ESYT2: variants seen among roughly 807,000 people sequenced by gnomAD.
The protein encoded by ESYT2 is extended synaptotagmin 2.
ESYT2 carries 54 observed loss-of-function variants against 107.2 expected under a neutral mutation model. The ratio of observed to expected loss-of-function variants is 0.50; its 90% CI spans 0.40 to 0.63. ESYT2 has a LOEUF of 0.63. Among genes scored for constraint, ESYT2 ranks in the 30% least tolerant of loss-of-function variants. The pLI, the probability that ESYT2 is intolerant of heterozygous loss-of-function variation, is 0.00. For missense variants in ESYT2, 1,020 were observed against 1,094.5 expected (o/e 0.93, Z 0.96); for synonymous variants, 491 against 434.1 (o/e 1.13, Z -1.63).
intron 1 of ESYT2, 22 bp downstream of exon 1, chr7:158,829,067 A>T: frequency 1.9e-6 from 3 of 1,565,256 alleles, no homozygotes; most frequent in Non-Finnish European, 8.6e-7. Flanking sequence ...AGGGGTCGGG[A>T]CGGGCAGGGG....
In ESYT2 at chr7:158,748,833, C is replaced by T. The variant is rs1161582813; in HGVS notation, c.1558-553G>A. Among the ~76,000 whole-genome samples the T allele has an allele frequency of 2.6e-5, 4 of 151,878 alleles. No homozygotes were observed. The East Asian group carries it at 7.7e-4, about 29-fold the overall frequency. On this transcript the variant is annotated intron_variant, in intron 15 of 22. Coordinates refer to ENST00000275418, the MANE Select transcript of ESYT2 (RefSeq NM_001367773.1). ...CTTCCGGGTTCAAGCAATTCCCCTG[C>T]TGCAGCCTCCCAAGTAGCTGGGATT...
chr7:158,777,114 T>G (rs1838596457), intron 6 of ESYT2, among the ~76,000 whole-genome samples: 1 of 152,172 alleles, frequency 6.6e-6, no homozygotes. Flanking sequence ...CCGCCCCACT[T>G]GGCCTCTGAA....
At chr7:158,817,477 T>C (rs541721050) in intron 1 of ESYT2, among the ~76,000 whole-genome samples, 6 of 152,380 alleles carry the variant, frequency 3.9e-5, no homozygotes, top group African/African-American at 1.4e-4. Context: ...TGCTTCCAGG[T>C]GTCCCACCTT....
intron 4 of ESYT2, among the ~76,000 whole-genome samples, chr7:158,790,493 A>G (rs1250353340): frequency 6.6e-6 from 1 of 152,180 alleles, no homozygotes; most frequent in Non-Finnish European, 1.5e-5. Flanking sequence ...CAGCTGCATC[A>G]CTGCCCTCCA....
chr7:158,826,481 A>C (rs1156368726), intron 1 of ESYT2, among the ~76,000 whole-genome samples: 1 of 152,142 alleles, frequency 6.6e-6, no homozygotes, highest in Non-Finnish European at 1.5e-5. Context: ...CAGATTAAAA[A>C]CTTGAAAAGA....
chr7:158,796,245 CTACT>C (rs1033737961), intron 3 of ESYT2, among the ~76,000 whole-genome samples: 2 of 152,150 alleles, frequency 1.3e-5, no homozygotes, highest in South Asian at 2.1e-4. Context: ...TGGACTGTTG[CTACT>C]TAAACACTGA....
At chr7:158,756,819 G>A (rs1837771521) in intron 13 of ESYT2, among the ~76,000 whole-genome samples, 1 of 149,130 alleles carries the variant, frequency 6.7e-6, no homozygotes, top group South Asian at 2.2e-4. Flanking sequence ...TGAGGCAGGA[G>A]AATCACTTGA....
At chr7:158,826,031 A>AAAC (rs994528086) in intron 1 of ESYT2, among the ~76,000 whole-genome samples, 1 of 151,658 alleles carries the variant, frequency 6.6e-6, no homozygotes, top group African/African-American at 2.4e-5. Context: ...GAAAAAAAAA[A>AAAC]AAACAAAAAC....
intron 1 of ESYT2, among the ~76,000 whole-genome samples, chr7:158,819,531 T>C (rs1259027480): frequency 1.3e-5 from 2 of 152,196 alleles, no homozygotes; most frequent in African/African-American, 2.4e-5. Flanking sequence ...CTATCCATAA[T>C]ATAGCATTTA....
At position 158,798,168 on chromosome 7, in the gene ESYT2, C is replaced by A. The variant is rs2129473546; in HGVS notation, c.373-92G>T. ...TGAGAAACCCTCGCAACAGACCAAACCTGGTTTTGAAAATAAAGGGCGGGA... is the reference window on the plus strand; with the variant it reads ...TGAGAAACCCTCGCAACAGACCAAAACTGGTTTTGAAAATAAAGGGCGGGA... On this transcript the variant is annotated intron_variant, in intron 2 of 22. Transcript: ENST00000275418. 10 of 1,372,342 alleles carry A rather than the reference C, an allele frequency of 7.3e-6. No homozygotes were observed. In the South Asian group the frequency reaches 1.4e-4, roughly 19 times the overall value. 85.0% of individuals were successfully genotyped at this position (1,372,342 alleles called of 1,614,324 possible).
At chr7:158,817,737 A>G (rs1840185184) in intron 1 of ESYT2, among the ~76,000 whole-genome samples, 1 of 152,256 alleles carries the variant, frequency 6.6e-6, no homozygotes, top group Admixed American at 6.5e-5. Context: ...ATACTAAATT[A>G]ATTGAGACTT....
intron 11 of ESYT2, 71 bp downstream of exon 11, chr7:158,761,425 G>A (rs369852593): frequency 2.9e-6 from 4 of 1,396,382 alleles, no homozygotes; most frequent in African/African-American, 1.4e-5. Context: ...GGGGTGGTTC[G>A]TGGCTCCTCT....
chr7:158,778,292 C>T (rs917818752), intron 6 of ESYT2, among the ~76,000 whole-genome samples: 3 of 151,972 alleles, frequency 2.0e-5, no homozygotes. Flanking sequence ...TTCCAAGTAG[C>T]TATGTGCTAT....
At chr7:158,748,417 A>C (rs1189817803) in intron 15 of ESYT2, 137 bp from the exon 16 acceptor site, 8 of 678,196 alleles carry the variant, frequency 1.2e-5, no homozygotes, top group Admixed American at 2.9e-5. Context: ...GGTTGACCTT[A>C]ATTAAATTCC....
chr7:158,737,686 G>A (rs1196690865), intron 19 of ESYT2, among the ~76,000 whole-genome samples: 1 of 152,148 alleles, frequency 6.6e-6, no homozygotes, highest in Non-Finnish European at 1.5e-5. Flanking sequence ...TATCCCCCAC[G>A]ATCATTATCT....
chr7:158,756,155 A>C (rs1475971829), intron 13 of ESYT2, among the ~76,000 whole-genome samples: 1 of 152,238 alleles, frequency 6.6e-6, no homozygotes, highest in Non-Finnish European at 1.5e-5. Flanking sequence ...AAACTCTACA[A>C]AAATGCAAAG....
At chr7:158,786,722 C>A (rs1839129038) in intron 6 of ESYT2, among the ~76,000 whole-genome samples, 1 of 151,572 alleles carries the variant, frequency 6.6e-6, no homozygotes, top group South Asian at 2.1e-4. Flanking sequence ...ATTTTAAAAG[C>A]CAAATGACAA....
Position 158,734,119 on chromosome 7 carries a change from A to G in ESYT2, c.*88T>C. On this transcript the variant is annotated 3_prime_UTR_variant, in exon 23 of 23. Coordinates refer to ENST00000275418, the MANE Select transcript of ESYT2 (RefSeq NM_001367773.1). ...TGTATAACTAAATCCATGAAATTAT[A>G]AAAATAACATTGGTACGTCTGTGAG... 1 of 1,458,554 alleles carries G rather than the reference A, an allele frequency of 6.9e-7. No individual in the cohort carries two copies. 90.4% of individuals were successfully genotyped at this position (1,458,554 alleles called of 1,614,324 possible).
rs368474507 is a variant in ESYT2, at chr7:158,788,030, A to G, written c.721T>C (p.Leu241=). The part of the protein sequence containing the change: ...LIGDMPLVGA[L]SIFFLRKPLL... ...GGTTTCCTAAGGAAGAAGATAGACAAAGCTCCAACTAAGGGCATATCTCCA... is the reference window on the plus strand; with the variant it reads ...GGTTTCCTAAGGAAGAAGATAGACAGAGCTCCAACTAAGGGCATATCTCCA... Residue 241 remains leucine (L), a synonymous_variant, in exon 6 of 23, where the codon TTG becomes CTG. Transcript: ENST00000275418. The G allele has an allele frequency of 4.3e-6, 7 of 1,613,908 alleles. No individual in the cohort carries two copies. In the African/African-American group the frequency reaches 5.3e-5, roughly 12 times the overall value.
Sources: gnomAD v4.1 joint callset for allele counts (sites outside exome capture counted in the v4.1 genomes callset) on GRCh38, gnomAD v4.1.1 for gene constraint, MANE v1.5 for transcripts, NCBI Gene and HGNC (gene_info 2026-07-23, HGNC 2026-07-21) for gene names.